Variants in RFX4 observed in about 807,000 individuals in gnomAD.
RFX4 encodes the protein regulatory factor X4.
A neutral mutation model predicts 95.0 loss-of-function variants in RFX4; 10 were observed. The observed-to-expected ratio is 0.11, with a 90% confidence interval of 0.06 to 0.18. The LOEUF is 0.18. Ranked by LOEUF, RFX4 falls within the 10% of genes least tolerant of loss-of-function variation. The probability of loss-of-function intolerance (pLI) is 1.00; values close to 1 mark genes in which losing one functional copy is unlikely to be tolerated. For synonymous variants in RFX4, 321 were observed against 340.7 expected (o/e 0.94, Z 0.64); for missense variants, 640 against 922.0 (o/e 0.69, Z 3.96).
intron 9 of RFX4, 35 bp from the exon 10 acceptor site, chr12:106,711,418 G>T (rs2042189320): frequency 6.3e-7 from 1 of 1,587,814 alleles, no homozygotes; most frequent in African/African-American, 1.3e-5. Context: ...CATAAAGCAT[G>T]CAAATATTTC....
chr12:106,667,502 A>G (rs2041200863), intron 4 of RFX4, among the ~76,000 whole-genome samples: 1 of 152,114 alleles, frequency 6.6e-6, no homozygotes, highest in South Asian at 2.1e-4. Context: ...TACATCTCTC[A>G]ATATTGTGTG....
At chr12:106,627,667 A>G (rs998398574) in intron 2 of RFX4, among the ~76,000 whole-genome samples, 1 of 152,232 alleles carries the variant, frequency 6.6e-6, no homozygotes, top group African/African-American at 2.4e-5. Flanking sequence ...TTGGTTTCTT[A>G]TAACTTCATA....
intron 1 of RFX4, among the ~76,000 whole-genome samples, chr12:106,607,926 C>T (rs1313350711): frequency 1.3e-5 from 2 of 152,136 alleles, no homozygotes; most frequent in Non-Finnish European, 2.9e-5. Context: ...GGCACCATGG[C>T]TCACGCTTGT....
chr12:106,692,985 C>T (rs1367824105), intron 7 of RFX4: 1 of 234,548 alleles, frequency 4.3e-6, no homozygotes, highest in Non-Finnish European at 8.8e-6. Flanking sequence ...ATCTGTTTTT[C>T]CCAGGTCTTA....
intron 15 of RFX4, among the ~76,000 whole-genome samples, chr12:106,738,213 T>C (rs2042747629): frequency 6.6e-6 from 1 of 152,166 alleles, no homozygotes; most frequent in African/African-American, 2.4e-5. Flanking sequence ...CTAGTGATAA[T>C]ATCCTAACTT....
At chr12:106,655,433 T>C (rs562435623) in intron 4 of RFX4, among the ~76,000 whole-genome samples, 2 of 152,340 alleles carry the variant, frequency 1.3e-5, no homozygotes, top group South Asian at 4.1e-4. Flanking sequence ...AGAGACTGGC[T>C]GTGTGGCAGG....
intron 2 of RFX4, among the ~76,000 whole-genome samples, chr12:106,638,922 G>T (rs569048683): frequency 6.6e-6 from 1 of 152,272 alleles, no homozygotes; most frequent in African/African-American, 2.4e-5. Context: ...GGGGGATTAG[G>T]TTTCAACACA....
chr12:106,633,585 A>AT (rs373665226), intron 2 of RFX4, among the ~76,000 whole-genome samples: 1 of 152,148 alleles, frequency 6.6e-6, no homozygotes, highest in African/African-American at 2.4e-5. Context: ...TATGATTCAC[A>AT]TTTTTTTAGA....
intron 15 of RFX4, among the ~76,000 whole-genome samples, chr12:106,737,945 T>C (rs1593000646): frequency 6.6e-6 from 1 of 152,138 alleles, no homozygotes; most frequent in African/African-American, 2.4e-5. Flanking sequence ...CTTTCCATAG[T>C]GGGTTGTTGT....
chr12:106,661,339 C>T (rs964953039), intron 4 of RFX4, among the ~76,000 whole-genome samples: 1 of 152,248 alleles, frequency 6.6e-6, no homozygotes, highest in Non-Finnish European at 1.5e-5. Flanking sequence ...TCCTCGCATA[C>T]TCTGTGAATG....
intron 15 of RFX4, among the ~76,000 whole-genome samples, chr12:106,744,131 T>C (rs906755598): frequency 4.6e-5 from 7 of 152,140 alleles, no homozygotes; most frequent in Non-Finnish European, 2.9e-5. Flanking sequence ...GTTCAAAACA[T>C]AGAGGAGGGC....
intron 4 of RFX4, among the ~76,000 whole-genome samples, chr12:106,678,997 A>G (rs1272246006): frequency 6.6e-6 from 1 of 152,230 alleles, no homozygotes; most frequent in Non-Finnish European, 1.5e-5. Flanking sequence ...AATAGATCAA[A>G]AATATAAGTA....
At chr12:106,593,339 A>G (rs1362608851) in intron 1 of RFX4, among the ~76,000 whole-genome samples, 18 of 152,208 alleles carry the variant, frequency 1.2e-4, no homozygotes. Flanking sequence ...TTTAGACACA[A>G]CCTAAGTGAG....
At chr12:106,644,510 G>A (rs979990738) in intron 3 of RFX4, among the ~76,000 whole-genome samples, 10 of 152,162 alleles carry the variant, frequency 6.6e-5, no homozygotes, top group African/African-American at 2.2e-4. Context: ...TGGGATTACA[G>A]GCATGAGCCA....
At chr12:106,721,176 T>C (rs1292576762) in intron 13 of RFX4, among the ~76,000 whole-genome samples, 2 of 152,196 alleles carry the variant, frequency 1.3e-5, no homozygotes, top group Non-Finnish European at 2.9e-5. Context: ...TGATTGCTGC[T>C]TCCAAAGCAC....
chr12:106,732,998 G>A lies in RFX4; in HGVS notation c.1546G>A (p.Ala516Thr). The A allele has an allele frequency of 6.2e-7, 1 of 1,614,156 alleles. No homozygotes were observed. The highest frequency in any genetic ancestry group is 2.2e-5 in the East Asian group (1 of 44,884). The change falls in exon 15 of 18, where the codon GCA becomes ACA. Residue 516 changes from alanine to threonine, a missense_variant. Physicochemically the swap from Ala to Thr is moderately conservative, Grantham distance 58 (BLOSUM62 0). Transcript: ENST00000392842. ...TPSPVPSFSP[A>T]KSATSVEVPP... ...TTCACCAGTGCCATCGTTTTCTCCA[G>A]CAAAATCTGCCACATCTGTGGAAGT...
At chr12:106,607,942 C>T (rs1280244768) in intron 1 of RFX4, among the ~76,000 whole-genome samples, 4 of 152,126 alleles carry the variant, frequency 2.6e-5, no homozygotes, top group Non-Finnish European at 4.4e-5. Context: ...CTTGTAATCC[C>T]AGCACTTTGG....
intron 2 of RFX4, among the ~76,000 whole-genome samples, chr12:106,628,039 C>A (rs1024959597): frequency 6.6e-6 from 1 of 152,172 alleles, no homozygotes; most frequent in Non-Finnish European, 1.5e-5. Flanking sequence ...AACCCAGGTT[C>A]GAGACTGCTA....
At chr12:106,601,395 T>C (rs1341369117) in intron 1 of RFX4, 1 of 1,530,522 alleles carries the variant, frequency 6.5e-7, no homozygotes, top group East Asian at 2.5e-5. Context: ...CCTGGCACCC[T>C]CAGGGGGAAC....
Sources: gnomAD v4.1 joint callset for allele counts (sites outside exome capture counted in the v4.1 genomes callset) on GRCh38, gnomAD v4.1.1 for gene constraint, MANE v1.5 for transcripts, NCBI Gene and HGNC (gene_info 2026-07-23, HGNC 2026-07-21) for gene names.